Variants in TMEM67 observed in about 807,000 individuals in gnomAD.
The protein encoded by TMEM67 is transmembrane protein 67.
A neutral mutation model predicts 136.6 loss-of-function variants in TMEM67; 124 were observed. The observed-to-expected ratio is 0.91, with a 90% CI of 0.78 to 1.05. The LOEUF is 1.05. TMEM67 is among the 50% of genes least tolerant of loss of function. The probability of loss-of-function intolerance (pLI) is 0.00; values close to 1 mark genes in which losing one functional copy is unlikely to be tolerated. For synonymous variants in TMEM67, 364 were observed against 390.5 expected (o/e 0.93, Z 0.80); for missense variants, 1,107 against 1,178.4 (o/e 0.94, Z 0.89).
chr8:93,831,186 A>G, the TMEM67 span, among the ~76,000 whole-genome samples: 1 of 152,246 alleles, frequency 6.6e-6, no homozygotes, highest in Non-Finnish European at 1.5e-5. Context: ...GAGACAACCC[A>G]TGTGAGTGGA....
At chr8:93,771,801 C>G (rs1475415000) in intron 6 of TMEM67, among the ~76,000 whole-genome samples, 3 of 152,134 alleles carry the variant, frequency 2.0e-5, no homozygotes, top group Non-Finnish European at 4.4e-5. Context: ...CCTCAGCCTT[C>G]TATGCATATT....
intron 9 of TMEM67, 87 bp from the exon 10 acceptor site, chr8:93,781,571 A>G: frequency 1.7e-6 from 1 of 578,174 alleles, no homozygotes. Flanking sequence ...TCAACAAAAA[A>G]GATCAGTCAA....
At chr8:93,830,860 G>C in the TMEM67 span, among the ~76,000 whole-genome samples, 2 of 152,322 alleles carry the variant, frequency 1.3e-5, no homozygotes, top group East Asian at 1.9e-4. Flanking sequence ...ATGCACAAAA[G>C]CATTTGCCCA....
chr8:93,779,921 G>T (rs1201789005), intron 7 of TMEM67, among the ~76,000 whole-genome samples: 1 of 152,220 alleles, frequency 6.6e-6, no homozygotes, highest in Non-Finnish European at 1.5e-5. Context: ...GTCAGACAGG[G>T]ATGTTTAACT....
At chr8:93,802,700 G>A (rs1814919455) in intron 21 of TMEM67, among the ~76,000 whole-genome samples, 1 of 152,148 alleles carries the variant, frequency 6.6e-6, no homozygotes, top group Non-Finnish European at 1.5e-5. Context: ...TTTAAGTGGT[G>A]TCTTTTAATT....
intron 26 of TMEM67, among the ~76,000 whole-genome samples, chr8:93,812,661 T>C (rs553828828): frequency 1.7e-3 from 262 of 152,358 alleles, no homozygotes; most frequent in African/African-American, 6.1e-3. Context: ...TTTGTGGGGT[T>C]ATTATGTGTT....
chr8:93,784,828 T>C (rs757340027), intron 11 of TMEM67, among the ~76,000 whole-genome samples: 57 of 152,318 alleles, frequency 3.7e-4, no homozygotes, highest in Non-Finnish European at 1.9e-4. Flanking sequence ...AGCCAGATCA[T>C]ATACATCATT....
intron 16 of TMEM67, chr8:93,795,134 A>G: frequency 2.0e-6 from 1 of 506,294 alleles, no homozygotes; most frequent in East Asian, 3.5e-5. Context: ...ATTCCCAACT[A>G]AGAGAAAATT....
intron 20 of TMEM67, among the ~76,000 whole-genome samples, chr8:93,798,979 G>T (rs564334734): frequency 3.4e-5 from 5 of 148,110 alleles, no homozygotes; most frequent in Admixed American, 6.8e-5. Flanking sequence ...GTGTGTGTGT[G>T]TGTGTTTAAG....
At chr8:93,764,175 A>G (rs146939126) in intron 4 of TMEM67, among the ~76,000 whole-genome samples, 3 of 152,224 alleles carry the variant, frequency 2.0e-5, no homozygotes, top group South Asian at 2.1e-4. Context: ...CTACTTCACA[A>G]TCCCTTGTCT....
chr8:93,776,795 A>G (rs896591567), intron 7 of TMEM67, among the ~76,000 whole-genome samples: 6 of 152,118 alleles, frequency 3.9e-5, no homozygotes, highest in African/African-American at 1.4e-4. Context: ...TTCATCAGGG[A>G]TATTGGTCTA....
At chr8:93,812,521 C>G (rs1316525308) in intron 26 of TMEM67, among the ~76,000 whole-genome samples, 1 of 152,184 alleles carries the variant, frequency 6.6e-6, no homozygotes, top group Non-Finnish European at 1.5e-5. Context: ...TTGTAGCTTT[C>G]AAAGTCTTCT....
At chr8:93,793,980 C>T (rs1194322585) in intron 16 of TMEM67, among the ~76,000 whole-genome samples, 1 of 152,100 alleles carries the variant, frequency 6.6e-6, no homozygotes, top group Non-Finnish European at 1.5e-5. Context: ...CAACCTCTGC[C>T]TCCCGGGTTC....
chr8:93,774,169 C>G (rs1813438476), intron 7 of TMEM67, among the ~76,000 whole-genome samples: 1 of 151,972 alleles, frequency 6.6e-6, no homozygotes, highest in Admixed American at 6.5e-5. Flanking sequence ...GGCATGCCAC[C>G]ACACTCAGCT....
intron 7 of TMEM67, among the ~76,000 whole-genome samples, chr8:93,774,260 C>G (rs1344793560): frequency 6.6e-6 from 1 of 152,188 alleles, no homozygotes; most frequent in African/African-American, 2.4e-5. Context: ...AGTGATCTGC[C>G]TGCCTTGACC....
chr8:93,765,307 A>G, intron 4 of TMEM67, 99 bp from the exon 5 acceptor site: 1 of 914,552 alleles, frequency 1.1e-6, no homozygotes, highest in South Asian at 1.5e-5. Context: ...TGCTTACTGA[A>G]TGAATCTACT....
Position 93,795,919 on chromosome 8 carries a change from G to A in TMEM67, c.1792G>A (p.Val598Ile). 2 of 1,609,838 alleles carry A rather than the reference G, an allele frequency of 1.2e-6. No individual in the cohort carries two copies. The highest frequency in any genetic ancestry group is 1.7e-6 in the Non-Finnish European group (2 of 1,176,218). ...ATTATAGGCACAGAAGTCTGTGTCTGTTTTGCTGCCAATGCCAATTCAGGA... is the reference window on the plus strand; with the variant it reads ...ATTATAGGCACAGAAGTCTGTGTCTATTTTGCTGCCAATGCCAATTCAGGA... ...IFFKAQKSVS[V>I]LLPMPIQEER... is the part of the protein sequence containing the mutation. Residue 598 changes from valine (V) to isoleucine (I), a missense_variant, in exon 18 of 28, where the codon GTT (valine) becomes ATT (isoleucine). Around this residue, in one of 3 missense-constraint regions of TMEM67, gnomAD observed 925 missense variants for 1,002.4 expected, o/e 0.92. Transcript: ENST00000453321.
chr8:93,788,110 T>TA lies in TMEM67; in HGVS notation c.1518+163dup, dbSNP rs879192758. Among the ~76,000 whole-genome samples, 7 of 152,216 alleles carry TA rather than the reference T, an allele frequency of 4.6e-5. No homozygotes were observed. The South Asian group carries it at 1.5e-3, about 32-fold the overall frequency. On this transcript the variant is annotated intron_variant, in intron 14 of 27. Transcript: ENST00000453321. ...CTTAATTATTCTTTACTAATAATGG[T>TA]AAGAGGTGAGTTCTTATGGATCCTG...
At chr8:93,760,264 T>C (rs193005384) in intron 3 of TMEM67, among the ~76,000 whole-genome samples, 87 of 152,324 alleles carry the variant, frequency 5.7e-4, no homozygotes, top group Non-Finnish European at 8.4e-4. Flanking sequence ...ATGCATGTTA[T>C]ATAGCTACTA....
Sources: allele counts gnomAD v4.1 joint callset (sites outside exome capture counted in the v4.1 genomes callset), GRCh38; gene constraint gnomAD v4.1.1; regional missense constraint gnomAD v4.1.1; transcripts MANE v1.5; gene names NCBI Gene and HGNC (gene_info 2026-07-23, HGNC 2026-07-21).